Variants in ZNF385B observed in about 807,000 individuals in gnomAD.
The protein encoded by ZNF385B is zinc finger protein 385B, also known as zinc finger protein 533.
Under a neutral mutation model 39.2 loss-of-function variants are expected in ZNF385B, and 23 were observed. That is an observed-to-expected ratio of 0.59 (90% CI 0.42 to 0.83). The LOEUF (loss-of-function observed/expected upper bound fraction) is 0.83, where lower values mean the gene tolerates loss of function less well. ZNF385B is among the 40% of genes least tolerant of loss of function. ZNF385B has a pLI of 0.00. For synonymous variants in ZNF385B, 205 were observed against 222.6 expected, an observed-to-expected ratio of 0.92 and a Z score of 0.70; for missense variants, 552 against 598.9, an observed-to-expected ratio of 0.92 and a Z score of 0.82.
intron 1 of ZNF385B, among the ~76,000 whole-genome samples, chr2:179,850,452 C>T (rs1219346249): frequency 1.3e-5 from 2 of 152,126 alleles, no homozygotes; most frequent in African/African-American, 2.4e-5. Flanking sequence ...TTGAAATTTG[C>T]CTCCCTATGA....
intron 3 of ZNF385B, among the ~76,000 whole-genome samples, chr2:179,598,435 T>G (rs1251344136): frequency 6.6e-6 from 1 of 152,202 alleles, no homozygotes; most frequent in Non-Finnish European, 1.5e-5. Context: ...TTGTTCTATA[T>G]CCTCCTCATC....
At chr2:179,650,959 T>C (rs1224395192) in intron 3 of ZNF385B, among the ~76,000 whole-genome samples, 2 of 152,136 alleles carry the variant, frequency 1.3e-5, no homozygotes, top group African/African-American at 4.8e-5. Context: ...ATCATAATAG[T>C]TATCATTAGC....
intron 3 of ZNF385B, among the ~76,000 whole-genome samples, chr2:179,722,442 T>C (rs987570730): frequency 8.5e-5 from 13 of 152,092 alleles, no homozygotes; most frequent in African/African-American, 2.7e-4. Context: ...AACTTGCACA[T>C]ACACAGAAAC....
chr2:179,495,209 C>A (rs781115219), intron 5 of ZNF385B, among the ~76,000 whole-genome samples: 1 of 152,158 alleles, frequency 6.6e-6, no homozygotes, highest in Non-Finnish European at 1.5e-5. Flanking sequence ...CTTAAGGGAA[C>A]ATTGACAGAA....
chr2:179,795,649 C>A (rs1036514828), intron 1 of ZNF385B, among the ~76,000 whole-genome samples: 8 of 151,720 alleles, frequency 5.3e-5, no homozygotes, highest in African/African-American at 1.9e-4. Context: ...CTATGTGAAC[C>A]AACACTTAAG....
Position 179,443,398 on chromosome 2 carries a change from G to T in ZNF385B, c.1313C>A (p.Ala438Glu), listed in dbSNP as rs550371636. The T allele has an allele frequency of 3.7e-6, 6 of 1,611,562 alleles. No homozygotes were observed. Among genetic ancestry groups the T allele is most frequent in the Non-Finnish European group, 4.2e-6 (5 of 1,179,140 alleles). ...APAFLSSPLA[A>E]AAAVSSALSL... is the part of the protein sequence containing the mutation. ...CAGCGCTGAGGACACGGCTGCCGCC[G>T]CTGCGAGAGGTGAGGACAGGAAGGC... Residue 438 changes from alanine to glutamate, a missense_variant, in exon 10 of 10, where the codon GCG (alanine) becomes GAG (glutamate). Transcript: ENST00000410066.
rs1413712507 is a variant in ZNF385B, at chr2:179,493,341, T to C, written c.553-9907A>G. On this transcript the variant is annotated intron_variant, in intron 5 of 9. Coordinates refer to ENST00000410066, the MANE Select transcript of ZNF385B (RefSeq NM_152520.6). The stretch of plus-strand genomic sequence containing the variant: ...CATGTATATGTGTACATATGGCATG[T>C]ATATGGCATGTATATATATATGTAG... Among the ~76,000 whole-genome samples, 5 of 150,442 alleles carry C rather than the reference T, an allele frequency of 3.3e-5. No homozygotes were observed. In the South Asian group the frequency reaches 1.1e-3, roughly 32 times the overall value.
chr2:179,851,052 T>C (rs1425568328), intron 1 of ZNF385B, among the ~76,000 whole-genome samples: 1 of 152,224 alleles, frequency 6.6e-6, no homozygotes, highest in Non-Finnish European at 1.5e-5. Context: ...CCCTCTCACA[T>C]TTAATTTGGT....
chr2:179,723,160 C>T (rs1700796626), intron 3 of ZNF385B, among the ~76,000 whole-genome samples: 1 of 152,104 alleles, frequency 6.6e-6, no homozygotes. Context: ...TTCATTCATT[C>T]ACTTAATATA....
At chr2:179,595,185 A>C (rs1687896865) in intron 3 of ZNF385B, among the ~76,000 whole-genome samples, 1 of 152,214 alleles carries the variant, frequency 6.6e-6, no homozygotes, top group Admixed American at 6.5e-5. Flanking sequence ...GGAAGATTCA[A>C]AGGAAAAAAA....
chr2:179,512,017 G>A (rs190199859), intron 5 of ZNF385B, among the ~76,000 whole-genome samples: 314 of 152,216 alleles, frequency 2.1e-3, no homozygotes, highest in Non-Finnish European at 3.5e-3. Context: ...AGCTCCAAAT[G>A]AGTAATAAAA....
chr2:179,805,110 A>T (rs954572173), intron 1 of ZNF385B, among the ~76,000 whole-genome samples: 14 of 152,194 alleles, frequency 9.2e-5, no homozygotes, highest in African/African-American at 3.1e-4. Flanking sequence ...CTAGGCCATA[A>T]GAGAATTCTC....
At chr2:179,575,224 G>A (rs570516887) in intron 3 of ZNF385B, among the ~76,000 whole-genome samples, 5 of 152,134 alleles carry the variant, frequency 3.3e-5, no homozygotes, top group South Asian at 2.1e-4. Context: ...TTCGCTCTGC[G>A]ATATGACAAT....
intron 3 of ZNF385B, among the ~76,000 whole-genome samples, chr2:179,556,412 T>C (rs533078031): frequency 6.7e-6 from 1 of 149,714 alleles, no homozygotes; most frequent in East Asian, 1.9e-4. Context: ...GTATTAAGCA[T>C]GATCATGCAA....
intron 5 of ZNF385B, among the ~76,000 whole-genome samples, chr2:179,513,338 G>C (rs1251455019): frequency 6.6e-6 from 1 of 152,212 alleles, no homozygotes; most frequent in Non-Finnish European, 1.5e-5. Context: ...TTGCCATCCA[G>C]ACTTTGTGGC....
At position 179,568,995 on chromosome 2, in the gene ZNF385B, T is replaced by C. The variant is rs543610134; in HGVS notation, c.299-24026A>G. 9.3e-4 allele frequency among the ~76,000 whole-genome samples: 142 copies of C among 152,360 alleles called. 2 individuals are homozygous for C. The South Asian group carries it at 0.019, about 20-fold the overall frequency. On this transcript the variant is annotated intron_variant, in intron 3 of 9. Coordinates refer to ENST00000410066, the MANE Select transcript of ZNF385B (RefSeq NM_152520.6). ...TGTATAACAATGTCTAACACTTACA[T>C]AACATTTATTATGCACCAACACTGT... is the stretch of plus-strand genomic sequence containing the variant.
chr2:179,513,365 TAAGA>T (rs2057831178), intron 5 of ZNF385B, among the ~76,000 whole-genome samples: 1 of 152,236 alleles, frequency 6.6e-6, no homozygotes, highest in Admixed American at 6.5e-5. Context: ...GCCCAGAGTC[TAAGA>T]ATGACTCAGA....
At chr2:179,501,675 C>G (rs111855729) in intron 5 of ZNF385B, among the ~76,000 whole-genome samples, 2 of 151,996 alleles carry the variant, frequency 1.3e-5, no homozygotes, top group African/African-American at 4.8e-5. Context: ...TTTGACAGCA[C>G]GATAGGGTGA....
intron 1 of ZNF385B, among the ~76,000 whole-genome samples, chr2:179,815,602 T>G (rs1186869756): frequency 2.0e-5 from 3 of 152,202 alleles, no homozygotes; most frequent in Non-Finnish European, 4.4e-5. Context: ...TTTTAACATG[T>G]CTATGCCATA....
Sources: allele counts gnomAD v4.1 joint callset (sites outside exome capture counted in the v4.1 genomes callset), GRCh38; gene constraint gnomAD v4.1.1; transcripts MANE v1.5; gene names NCBI Gene and HGNC (gene_info 2026-07-23, HGNC 2026-07-21).